The following PKHD1 variants were observed in gnomAD, a reference collection of about 807,000 sequenced individuals.
PKHD1 encodes PKHD1 ciliary IPT domain containing fibrocystin/polyductin.
PKHD1 carries 291 observed loss-of-function variants against 412.0 expected under a neutral mutation model. That is an observed-to-expected ratio of 0.71 (90% CI 0.64 to 0.78). The LOEUF is 0.78. PKHD1 is among the 30% of genes least tolerant of loss of function. The probability of loss-of-function intolerance (pLI) is 0.00; values close to 1 mark genes in which losing one functional copy is unlikely to be tolerated. For synonymous variants in PKHD1, 1,777 were observed against 1,821.5 expected, an observed-to-expected ratio of 0.98 and a Z score of 0.62; for missense variants, 4,825 against 4,950.7, an observed-to-expected ratio of 0.97 and a Z score of 0.76.
At chr6:51,941,533 G>A (rs1415104681) in intron 36 of PKHD1, among the ~76,000 whole-genome samples, 1 of 151,110 alleles carries the variant, frequency 6.6e-6, no homozygotes, top group Non-Finnish European at 1.5e-5. Flanking sequence ...GGGATTACAG[G>A]CGTGAGCCAC....
chr6:51,844,890 T>C (rs1399450875), intron 50 of PKHD1, among the ~76,000 whole-genome samples: 1 of 152,144 alleles, frequency 6.6e-6, no homozygotes, highest in Admixed American at 6.5e-5. Flanking sequence ...TACAATAAAA[T>C]AAATTTCTGT....
intron 49 of PKHD1, among the ~76,000 whole-genome samples, chr6:51,855,140 C>T (rs1219520765): frequency 6.6e-6 from 1 of 152,094 alleles, no homozygotes; most frequent in Admixed American, 6.6e-5. Flanking sequence ...CTCACCGCCT[C>T]CCTTGGCTGT....
intron 57 of PKHD1, among the ~76,000 whole-genome samples, chr6:51,749,248 C>T (rs1379033832): frequency 1.3e-5 from 2 of 152,202 alleles, no homozygotes; most frequent in Non-Finnish European, 2.9e-5. Flanking sequence ...TTTAAAATCA[C>T]TTTAAAGATT....
At chr6:51,972,064 T>C (rs1793753047) in intron 35 of PKHD1, among the ~76,000 whole-genome samples, 1 of 152,158 alleles carries the variant, frequency 6.6e-6, no homozygotes, top group Non-Finnish European at 1.5e-5. Flanking sequence ...GCCCGTATTC[T>C]GACTCTATGT....
chr6:51,724,800 TAAG>T lies in PKHD1; in HGVS notation c.10156+19582_10156+19584del, dbSNP rs955345164. ...GTAAATGTAATCACAAGTGTCCTTA[TAAG>T]AAGGAGTCCTAGGGATATTTGACTA... On this transcript the variant is annotated intron_variant, in intron 60 of 66. Coordinates refer to ENST00000371117, the MANE Select transcript of PKHD1 (RefSeq NM_138694.4). Among the ~76,000 whole-genome samples, 11 of 152,244 alleles carry T rather than the reference TAAG, an allele frequency of 7.2e-5. No homozygotes were observed. The East Asian group carries it at 1.2e-3, about 16-fold the overall frequency.
intron 35 of PKHD1, among the ~76,000 whole-genome samples, chr6:51,982,158 CGG>C (rs1795447985): frequency 5.6e-5 from 2 of 35,408 alleles, no homozygotes; most frequent in Non-Finnish European, 1.3e-4. Context: ...CGTCTCCGCC[CGG>C]CAGCCACCCC....
At chr6:52,042,633 A>C (rs1220110837) in intron 27 of PKHD1, among the ~76,000 whole-genome samples, 4 of 152,188 alleles carry the variant, frequency 2.6e-5, no homozygotes, top group Non-Finnish European at 5.9e-5. Flanking sequence ...GTTATGTAGG[A>C]CCCAATTATG....
At chr6:51,787,142 C>T (rs1047167402) in intron 53 of PKHD1, among the ~76,000 whole-genome samples, 29 of 152,090 alleles carry the variant, frequency 1.9e-4, no homozygotes, top group Middle Eastern at 3.2e-3. Context: ...AGGCGGATCA[C>T]GAGTTCAGGA....
At chr6:51,973,895 C>G (rs1794010642) in intron 35 of PKHD1, among the ~76,000 whole-genome samples, 1 of 152,162 alleles carries the variant, frequency 6.6e-6, no homozygotes, top group Non-Finnish European at 1.5e-5. Context: ...GAAAGCTTAG[C>G]TATTGGTTCC....
chr6:51,852,763 A>C (rs1772535259), intron 49 of PKHD1, among the ~76,000 whole-genome samples: 1 of 149,572 alleles, frequency 6.7e-6, no homozygotes, highest in Non-Finnish European at 1.5e-5. Context: ...TTTGCTTGGT[A>C]AGTTTTCCTC....
At chr6:51,774,232 T>A (rs1470476568) in intron 54 of PKHD1, among the ~76,000 whole-genome samples, 1 of 152,022 alleles carries the variant, frequency 6.6e-6, no homozygotes, top group East Asian at 1.9e-4. Context: ...TTCAAGAAGA[T>A]TACAAATGAT....
intron 35 of PKHD1, among the ~76,000 whole-genome samples, chr6:52,008,940 C>A (rs527784383): frequency 6.6e-6 from 1 of 152,250 alleles, no homozygotes; most frequent in Admixed American, 6.5e-5. Flanking sequence ...AGCATCCCAA[C>A]AACACCAGGT....
intron 34 of PKHD1, among the ~76,000 whole-genome samples, chr6:52,014,757 GATGGATGA>G (rs1290264963): frequency 5.3e-4 from 68 of 128,644 alleles, no homozygotes; most frequent in Non-Finnish European, 4.0e-4. Flanking sequence ...TGGATGGATG[GATGGATGA>G]ATATACTGGA....
intron 60 of PKHD1, among the ~76,000 whole-genome samples, chr6:51,738,260 C>T (rs1236938340): frequency 7.9e-5 from 12 of 152,122 alleles, no homozygotes; most frequent in Admixed American, 7.9e-4. Context: ...CAAGGAAAAT[C>T]CTACTGCCAC....
chr6:51,739,890 C>A, intron 60 of PKHD1: 1 of 451,934 alleles, frequency 2.2e-6, no homozygotes, highest in Non-Finnish European at 4.6e-6. Flanking sequence ...ATGTGTGAAC[C>A]GGGGTGTGAG....
At chr6:52,035,327 G>C (rs943720070) in intron 28 of PKHD1, among the ~76,000 whole-genome samples, 2 of 152,168 alleles carry the variant, frequency 1.3e-5, no homozygotes, top group African/African-American at 4.8e-5. Context: ...TTTGTTACGT[G>C]TCACTAATAC....
Position 51,733,401 on chromosome 6 carries a change from G to A in PKHD1, c.10156+10984C>T, listed in dbSNP as rs376857193. ...TAAAAATACAAAAAATTAGCCGGGC[G>A]TGGTGGTGGGAGCCTGTAGTCCCAG... is the stretch of plus-strand genomic sequence containing the variant. On this transcript the variant is annotated intron_variant, in intron 60 of 66. Transcript: ENST00000371117. Among the ~76,000 whole-genome samples the A allele has an allele frequency of 2.7e-4, 41 of 151,852 alleles. 1 individual carries two copies. Among genetic ancestry groups the A allele is most frequent in the East Asian group, 7.7e-4 (4 of 5,166 alleles).
rs937427601 is a variant in PKHD1, at chr6:51,940,015, T to C, written c.5909-5693A>G. 8.6e-5 allele frequency among the ~76,000 whole-genome samples: 13 copies of C among 151,602 alleles called. 1 individual carries two copies. Among genetic ancestry groups the C allele is most frequent in the Admixed American group, 7.2e-4 (11 of 15,188 alleles). On this transcript the variant is annotated intron_variant, in intron 36 of 66. Transcript: ENST00000371117. ...GAGCTAAAGGCATAGTCAAGGTTAA[T>C]GCTCCTTTTTCTTTATCTGACCTCT... is the stretch of plus-strand genomic sequence containing the variant.
intron 52 of PKHD1, among the ~76,000 whole-genome samples, chr6:51,825,230 T>C (rs1767116592): frequency 6.6e-6 from 1 of 152,200 alleles, no homozygotes; most frequent in African/African-American, 2.4e-5. Flanking sequence ...TTCTTAGCTA[T>C]TCCTCCTATT....
Sources: gnomAD v4.1 joint callset for allele counts (sites outside exome capture counted in the v4.1 genomes callset) on GRCh38, gnomAD v4.1.1 for gene constraint, MANE v1.5 for transcripts, NCBI Gene and HGNC (gene_info 2026-07-23, HGNC 2026-07-21) for gene names.